Variants in PPFIBP2 observed in about 807,000 individuals in gnomAD.
PPFIBP2 encodes liprin-beta-2.
Under a neutral mutation model 118.3 loss-of-function variants are expected in PPFIBP2, and 118 were observed. The ratio of observed to expected loss-of-function variants is 1.00; its 90% CI spans 0.86 to 1.16. The LOEUF (loss-of-function observed/expected upper bound fraction) is 1.16. Among genes scored for constraint, PPFIBP2 ranks in the 50% most tolerant of loss-of-function variants. The pLI, the probability that PPFIBP2 is intolerant of heterozygous loss-of-function variation, is 0.00. For synonymous variants in PPFIBP2, 414 were observed against 397.4 expected (o/e 1.04, Z -0.50); for missense variants, 1,195 against 1,073.1 (o/e 1.11, Z -1.59).
At chr11:7,577,894 G>A (rs1195880476) in intron 3 of PPFIBP2, among the ~76,000 whole-genome samples, 1 of 152,228 alleles carries the variant, frequency 6.6e-6, no homozygotes. Context: ...AGGAAAGTTG[G>A]TTATTTTAAC....
intron 10 of PPFIBP2, among the ~76,000 whole-genome samples, chr11:7,630,691 G>C (rs1215116356): frequency 2.7e-5 from 4 of 149,502 alleles, no homozygotes; most frequent in Admixed American, 2.7e-4. Flanking sequence ...GAGAGGTTTG[G>C]AGGCAGGGGT....
rs575274777 is a variant in PPFIBP2 at position 7,517,366 on chromosome 11, G to A, written c.-37+3245G>A. 2.0e-5 allele frequency among the ~76,000 whole-genome samples: 3 copies of A among 152,196 alleles called. No individual in the cohort carries two copies. The East Asian group carries it at 5.8e-4, about 29-fold the overall frequency. On this transcript the variant is annotated intron_variant, in intron 1 of 23. Coordinates refer to ENST00000299492, the MANE Select transcript of PPFIBP2 (RefSeq NM_003621.5). ...TGTGGTGTTTTGCAACTGAGGGTGTGGAAATATCCCTAACAGCGGGGTTAA... is the reference window on the plus strand; with the variant it reads ...TGTGGTGTTTTGCAACTGAGGGTGTAGAAATATCCCTAACAGCGGGGTTAA...
In PPFIBP2 at chr11:7,625,658, T is replaced by C. The variant is rs1849897978; in HGVS notation, c.712-119T>C. 6.7e-6 allele frequency: 5 copies of C among 750,160 alleles called. No individual in the cohort carries two copies. In the Admixed American group the frequency reaches 1.1e-4, roughly 17 times the overall value. 46.5% of individuals were successfully genotyped at this position (750,160 alleles called of 1,614,324 possible). A position where few individuals can be genotyped will look rare whatever the true frequency, so the allele number is the denominator to read the frequency against. The stretch of plus-strand genomic sequence containing the variant: ...CAGTGAGCCCCTGCTCCTGCTCACC[T>C]CTTCTCCTAACTCCTGATGCACCCT... On this transcript the variant is annotated intron_variant, in intron 7 of 23. Coordinates refer to ENST00000299492, the MANE Select transcript of PPFIBP2 (RefSeq NM_003621.5).
chr11:7,524,463 C>G (rs1564937200), intron 1 of PPFIBP2, among the ~76,000 whole-genome samples: 1 of 152,182 alleles, frequency 6.6e-6, no homozygotes, highest in Non-Finnish European at 1.5e-5. Flanking sequence ...GAACTTCCAA[C>G]TTTGGTGGAT....
At chr11:7,661,183 C>T (rs1389572571), downstream of PPFIBP2, among the ~76,000 whole-genome samples, 2 of 150,120 alleles carry the variant, frequency 1.3e-5, no homozygotes, top group African/African-American at 4.9e-5. Flanking sequence ...TTCTTGCCTT[C>T]TGCTAGCTTT....
chr11:7,665,923 C>T, the PPFIBP2 span: 1 of 1,536,042 alleles, frequency 6.5e-7, no homozygotes, highest in Admixed American at 2.0e-5. Context: ...GGGTAGCGCC[C>T]TCTGCCGACC....
chr11:7,624,959 T>C (rs1849791574), intron 7 of PPFIBP2, among the ~76,000 whole-genome samples: 1 of 152,212 alleles, frequency 6.6e-6, no homozygotes, highest in Non-Finnish European at 1.5e-5. Flanking sequence ...GGACAGGACC[T>C]ATACAATTCT....
intron 1 of PPFIBP2, among the ~76,000 whole-genome samples, chr11:7,519,464 G>T (rs1424260039): frequency 1.3e-5 from 2 of 152,188 alleles, no homozygotes; most frequent in Non-Finnish European, 2.9e-5. Context: ...CTGTAAAGTC[G>T]AATGTTTCAT....
intron 2 of PPFIBP2, among the ~76,000 whole-genome samples, chr11:7,553,992 G>T (rs1046699306): frequency 6.6e-6 from 1 of 152,142 alleles, no homozygotes; most frequent in Non-Finnish European, 1.5e-5. Context: ...TCTAAGCAAG[G>T]GTTCCTTTGC....
intron 1 of PPFIBP2, among the ~76,000 whole-genome samples, chr11:7,521,871 C>A (rs549015820): frequency 6.6e-6 from 1 of 152,104 alleles, no homozygotes; most frequent in Non-Finnish European, 1.5e-5. Flanking sequence ...AAGGACAGGC[C>A]CAGTGAAGAG....
rs150495740 is a variant in PPFIBP2, at chr11:7,636,853, C to T, written c.1236+1260C>T. ...CTCCCCTCTCACCCACATACACCAC[C>T]GTCCTCCCCAGAATAGCTACACAGG... On this transcript the variant is annotated intron_variant, in intron 14 of 23. Coordinates refer to ENST00000299492, the MANE Select transcript of PPFIBP2 (RefSeq NM_003621.5). 1.3e-3 allele frequency among the ~76,000 whole-genome samples: 194 copies of T among 152,302 alleles called. 1 individual carries two copies. Among genetic ancestry groups the T allele is most frequent in the Non-Finnish European group, 2.3e-3 (155 of 68,016 alleles).
At chr11:7,590,522 C>A (rs1859054370) in intron 3 of PPFIBP2, among the ~76,000 whole-genome samples, 2 of 152,194 alleles carry the variant, frequency 1.3e-5, no homozygotes, top group Admixed American at 1.3e-4. Flanking sequence ...CTCCTCGAAT[C>A]TGTTATAGGA....
chr11:7,521,344 A>G (rs1564934384), intron 1 of PPFIBP2, among the ~76,000 whole-genome samples: 2 of 152,196 alleles, frequency 1.3e-5, no homozygotes, highest in Non-Finnish European at 2.9e-5. Flanking sequence ...CCATCCTTGT[A>G]TGGCATTCAA....
intron 5 of PPFIBP2, among the ~76,000 whole-genome samples, chr11:7,606,886 A>ATTTT (rs529585905): frequency 0.012 from 604 of 51,442 alleles, 202 homozygotes; most frequent in Non-Finnish European, 0.016. Context: ...AACTGCATGA[A>ATTTT]TTTTTTTTTT....
intron 3 of PPFIBP2, chr11:7,577,352 T>TG (rs1491378281): frequency 7.3e-5 from 23 of 316,848 alleles, no homozygotes; most frequent in African/African-American, 4.9e-4. Flanking sequence ...TGTGTGTGTG[T>TG]TTGTTGGGGT....
Position 7,651,655 on chromosome 11 carries a change from G to T in PPFIBP2, c.2248-1G>T. On this transcript the variant is annotated splice_acceptor_variant, in intron 22 of 23. Transcript: ENST00000299492. LOFTEE classifies it high-confidence loss of function. Reference sequence around the variant, plus strand: ...CAGGCTTGTCTCTGGTTCCTTCTTAGATCCTGGAGCCACGCTTCACTGGGG... The same window carrying T: ...CAGGCTTGTCTCTGGTTCCTTCTTATATCCTGGAGCCACGCTTCACTGGGG... 1 of 1,598,308 alleles carries T rather than the reference G, an allele frequency of 6.3e-7. No individual in the cohort carries two copies. Among genetic ancestry groups the T allele is most frequent in the Non-Finnish European group, 8.6e-7 (1 of 1,168,116 alleles).
chr11:7,612,035 G>T (rs2135505947), intron 6 of PPFIBP2, among the ~76,000 whole-genome samples: 1 of 152,340 alleles, frequency 6.6e-6, no homozygotes, highest in South Asian at 2.1e-4. Flanking sequence ...GCTTAAAGTG[G>T]CAGACACTCA....
At chr11:7,572,172 G>C (rs1855726147) in intron 3 of PPFIBP2, 1 of 152,348 alleles carries the variant, frequency 6.6e-6, no homozygotes, top group East Asian at 1.9e-4. Context: ...CTTCTTGACT[G>C]CAGTGCCTTC....
At chr11:7,534,348 C>T (rs1482029808) in intron 1 of PPFIBP2, among the ~76,000 whole-genome samples, 5 of 152,126 alleles carry the variant, frequency 3.3e-5, no homozygotes, top group Admixed American at 3.3e-4. Context: ...TAACCTCTTG[C>T]TTGTATTATT....
Sources: allele counts gnomAD v4.1 joint callset (sites outside exome capture counted in the v4.1 genomes callset), GRCh38; gene constraint gnomAD v4.1.1; transcripts MANE v1.5; gene names NCBI Gene and HGNC (gene_info 2026-07-23, HGNC 2026-07-21).